The following ARHGAP24 variants were observed in gnomAD, a reference collection of about 807,000 sequenced individuals.
ARHGAP24 encodes rho GTPase-activating protein 24.
A neutral mutation model predicts 76.4 loss-of-function variants in ARHGAP24; 50 were observed. The ratio of observed to expected loss-of-function variants is 0.65; its 90% CI spans 0.52 to 0.83. The LOEUF (loss-of-function observed/expected upper bound fraction) is 0.83, where lower values mean the gene tolerates loss of function less well. ARHGAP24 is among the 40% of genes least tolerant of loss of function. The pLI, the probability that ARHGAP24 is intolerant of heterozygous loss-of-function variation, is 0.00. For missense variants in ARHGAP24, 930 were observed against 914.2 expected (o/e 1.02, Z -0.22); for synonymous variants, 345 against 323.3 (o/e 1.07, Z -0.72).
At chr4:85,967,303 A>T (rs1738676652) in intron 5 of ARHGAP24, among the ~76,000 whole-genome samples, 1 of 152,132 alleles carries the variant, frequency 6.6e-6, no homozygotes, top group Non-Finnish European at 1.5e-5. Flanking sequence ...TAGAAATATA[A>T]ACTCAAACGA....
chr4:85,791,395 GAA>G (rs1333125818), intron 3 of ARHGAP24, among the ~76,000 whole-genome samples: 1 of 152,166 alleles, frequency 6.6e-6, no homozygotes, highest in Non-Finnish European at 1.5e-5. Context: ...ATTAAGATTT[GAA>G]AAGTGACACC....
At chr4:85,623,082 C>T (rs946524918) in intron 2 of ARHGAP24, among the ~76,000 whole-genome samples, 1 of 152,190 alleles carries the variant, frequency 6.6e-6, no homozygotes, top group Non-Finnish European at 1.5e-5. Context: ...TTTTGCTGTG[C>T]AGAAGCTCTT....
In ARHGAP24 at chr4:85,786,474, C is replaced by A. The variant is rs923747230; in HGVS notation, c.268+64502C>A. Among the ~76,000 whole-genome samples, 4 of 152,310 alleles carry A rather than the reference C, an allele frequency of 2.6e-5. No individual in the cohort carries two copies. The East Asian group carries it at 7.7e-4, about 29-fold the overall frequency. ...TAGCTCTTGAAATGGGAATTAGTGG[C>A]ATACATAACAAATAAAATAATAAAA... On this transcript the variant is annotated intron_variant, in intron 3 of 9. Transcript: ENST00000395184.
At chr4:85,820,688 A>G (rs577507638) in intron 3 of ARHGAP24, among the ~76,000 whole-genome samples, 2 of 152,314 alleles carry the variant, frequency 1.3e-5, no homozygotes, top group East Asian at 3.9e-4. Context: ...AGACTGAAAT[A>G]CAGTGACACT....
At chr4:85,654,335 A>C (rs1722054892) in intron 2 of ARHGAP24, among the ~76,000 whole-genome samples, 2 of 152,124 alleles carry the variant, frequency 1.3e-5, no homozygotes, top group Non-Finnish European at 2.9e-5. Context: ...TTATGACTCT[A>C]TGCAACCTTA....
At chr4:85,958,916 C>G (rs1393995385) in intron 5 of ARHGAP24, among the ~76,000 whole-genome samples, 2 of 152,144 alleles carry the variant, frequency 1.3e-5, no homozygotes, top group African/African-American at 4.8e-5. Context: ...GAATCATTCA[C>G]TGTTCTTTTG....
intron 1 of ARHGAP24, among the ~76,000 whole-genome samples, chr4:85,484,465 A>G (rs1436525434): frequency 6.6e-6 from 1 of 152,212 alleles, no homozygotes; most frequent in Non-Finnish European, 1.5e-5. Context: ...AAATGGAAAT[A>G]TAAATTTGTA....
intron 1 of ARHGAP24, among the ~76,000 whole-genome samples, chr4:85,542,595 C>G (rs907014257): frequency 2.6e-5 from 4 of 152,050 alleles, no homozygotes; most frequent in Non-Finnish European, 4.4e-5. Flanking sequence ...AATGGTCTCC[C>G]TTAGGGACAG....
intron 5 of ARHGAP24, among the ~76,000 whole-genome samples, chr4:85,953,258 C>T (rs1036848971): frequency 2.0e-5 from 3 of 152,208 alleles, no homozygotes; most frequent in African/African-American, 4.8e-5. Context: ...ACTCAGTTCA[C>T]ACTTCCCTTG....
chr4:85,848,845 T>C (rs1057142557), intron 3 of ARHGAP24, among the ~76,000 whole-genome samples: 1 of 152,234 alleles, frequency 6.6e-6, no homozygotes, highest in African/African-American at 2.4e-5. Flanking sequence ...TTTTGGTTAC[T>C]GTAGCCTTGT....
At chr4:85,649,666 T>A (rs1721861280) in intron 2 of ARHGAP24, among the ~76,000 whole-genome samples, 2 of 152,148 alleles carry the variant, frequency 1.3e-5, no homozygotes, top group African/African-American at 4.8e-5. Context: ...ATTTGTTGTC[T>A]TCTAACTGTG....
chr4:85,637,170 A>T (rs1188195635), intron 2 of ARHGAP24, among the ~76,000 whole-genome samples: 1 of 152,056 alleles, frequency 6.6e-6, no homozygotes, highest in Admixed American at 6.6e-5. Flanking sequence ...TTGTGAACTG[A>T]TGCATACTCA....
At chr4:85,660,815 A>AAAAAAAAAAAC (rs1722355193) in intron 2 of ARHGAP24, among the ~76,000 whole-genome samples, 1 of 150,146 alleles carries the variant, frequency 6.7e-6, no homozygotes, top group Admixed American at 6.6e-5. Flanking sequence ...AAAAAAAAAA[A>AAAAAAAAAAAC]AATCTGTAGA....
chr4:85,975,074 C>T, intron 7 of ARHGAP24, 113 bp downstream of exon 7: 2 of 927,196 alleles, frequency 2.2e-6, no homozygotes, highest in Non-Finnish European at 1.7e-6. Flanking sequence ...CTAGTGTTGG[C>T]CTCTGTAAAA....
chr4:85,667,304 G>T (rs139845609), intron 2 of ARHGAP24, among the ~76,000 whole-genome samples: 6,916 of 152,292 alleles, frequency 0.045, 254 homozygotes, highest in African/African-American at 0.1. Flanking sequence ...CTCTGAGCCA[G>T]GTGCTGGATA....
At chr4:85,630,986 C>T (rs1450612127) in intron 2 of ARHGAP24, among the ~76,000 whole-genome samples, 1 of 151,928 alleles carries the variant, frequency 6.6e-6, no homozygotes, top group Non-Finnish European at 1.5e-5. Context: ...CATACACACA[C>T]GTATATATAC....
At chr4:85,935,287 G>T (rs952748150) in intron 4 of ARHGAP24, among the ~76,000 whole-genome samples, 4 of 152,170 alleles carry the variant, frequency 2.6e-5, no homozygotes, top group African/African-American at 9.7e-5. Context: ...CAAACAGGTT[G>T]TCTCAAATCT....
At chr4:85,728,111 T>C (rs1725237977) in intron 3 of ARHGAP24, among the ~76,000 whole-genome samples, 1 of 151,966 alleles carries the variant, frequency 6.6e-6, no homozygotes, top group Non-Finnish European at 1.5e-5. Flanking sequence ...CTTTTGTACA[T>C]TTCAAATTTT....
chr4:85,611,768 T>C (rs1720389907), intron 2 of ARHGAP24, among the ~76,000 whole-genome samples: 1 of 152,182 alleles, frequency 6.6e-6, no homozygotes, highest in African/African-American at 2.4e-5. Flanking sequence ...CTGATGAAAA[T>C]ATGTACTGCT....
Sources: gnomAD v4.1 joint callset for allele counts (sites outside exome capture counted in the v4.1 genomes callset) on GRCh38, gnomAD v4.1.1 for gene constraint, MANE v1.5 for transcripts, NCBI Gene and HGNC (gene_info 2026-07-23, HGNC 2026-07-21) for gene names.